LINGO2: variants seen among roughly 807,000 people sequenced by gnomAD.
The protein encoded by LINGO2 is leucine rich repeat and Ig domain containing 2, also known as leucine-rich repeat and immunoglobulin-like domain-containing nogo receptor-interacting protein 2.
Under a neutral mutation model 30.6 loss-of-function variants are expected in LINGO2, and 14 were observed. The ratio of observed to expected loss-of-function variants is 0.46; its 90% confidence interval spans 0.30 to 0.72. The LOEUF is 0.72. Ranked by LOEUF, LINGO2 falls within the 30% of genes least tolerant of loss-of-function variation. The probability of loss-of-function intolerance (pLI) is 0.07; values close to 1 mark genes in which losing one functional copy is unlikely to be tolerated. For missense variants in LINGO2, 729 were observed against 751.7 expected (o/e 0.97, Z 0.35); for synonymous variants, 317 against 288.5 (o/e 1.10, Z -1.00).
At chr9:29,132,682 T>G in the LINGO2 span, among the ~76,000 whole-genome samples, 3 of 152,176 alleles carry the variant, frequency 2.0e-5, no homozygotes, top group Admixed American at 2.0e-4. Flanking sequence ...GCTTTGTTTG[T>G]GCATTTTGTC....
chr9:28,196,550 A>T (rs929296036), intron 4 of LINGO2, among the ~76,000 whole-genome samples: 3 of 151,916 alleles, frequency 2.0e-5, no homozygotes, highest in African/African-American at 7.2e-5. Context: ...CAAAAATATG[A>T]ATAATTGAAA....
At chr9:28,219,631 C>T (rs1237929015) in intron 4 of LINGO2, among the ~76,000 whole-genome samples, 2 of 152,144 alleles carry the variant, frequency 1.3e-5, no homozygotes, top group Admixed American at 6.5e-5. Flanking sequence ...TTTCACAAAG[C>T]TATCATGAAA....
At chr9:28,029,337 G>T (rs555792180) in intron 4 of LINGO2, among the ~76,000 whole-genome samples, 2 of 152,100 alleles carry the variant, frequency 1.3e-5, no homozygotes, top group Non-Finnish European at 2.9e-5. Flanking sequence ...CCACTGTTCT[G>T]CTGCGTTTGA....
chr9:28,160,372 G>C (rs1325428970), intron 4 of LINGO2, among the ~76,000 whole-genome samples: 5 of 152,034 alleles, frequency 3.3e-5, no homozygotes, highest in African/African-American at 7.2e-5. Context: ...TAAAAGAAAG[G>C]GGAGAAACTG....
the LINGO2 span, among the ~76,000 whole-genome samples, chr9:28,988,906 T>C: frequency 6.6e-6 from 1 of 152,196 alleles, no homozygotes; most frequent in Admixed American, 6.5e-5. Context: ...GTATTGGGAT[T>C]TTCAAAACTA....
At chr9:28,827,471 A>C in the LINGO2 span, among the ~76,000 whole-genome samples, 15 of 152,318 alleles carry the variant, frequency 9.8e-5, no homozygotes, top group African/African-American at 3.6e-4. Context: ...CAGTTTCCAC[A>C]TCTTTAAAAT....
chr9:28,232,709 C>T (rs1821401738), intron 4 of LINGO2, among the ~76,000 whole-genome samples: 1 of 151,772 alleles, frequency 6.6e-6, no homozygotes, highest in Admixed American at 6.6e-5. Flanking sequence ...GTCCCCAGAA[C>T]ATATTCATCC....
rs78076679 is a variant in LINGO2 at position 28,003,384 on chromosome 9, T to G, written c.-36+8971A>C. 4.8e-3 allele frequency among the ~76,000 whole-genome samples: 688 copies of G among 142,220 alleles called. 1 individual carries two copies. Among genetic ancestry groups the G allele is most frequent in the African/African-American group, 9.7e-3 (343 of 35,346 alleles). 93.3% of individuals were successfully genotyped at this position (142,220 alleles called of 152,430 possible). The stretch of plus-strand genomic sequence containing the variant: ...ATAGATAGATAGATAGATAGATAGA[T>G]ATAGAGAGAGAGAGAGTTAGAGAGT... On this transcript the variant is annotated intron_variant, in intron 5 of 5. Transcript: ENST00000379992.
chr9:28,572,737 T>C (rs1006624377), intron 1 of LINGO2, among the ~76,000 whole-genome samples: 2 of 152,138 alleles, frequency 1.3e-5, no homozygotes, highest in Non-Finnish European at 2.9e-5. Flanking sequence ...TCCAACAGCT[T>C]CCAGACAACT....
chr9:28,502,030 A>C (rs935128570), intron 1 of LINGO2, among the ~76,000 whole-genome samples: 2 of 151,752 alleles, frequency 1.3e-5, no homozygotes, highest in African/African-American at 2.4e-5. Context: ...GAAGAAAGGG[A>C]GGAGGAAGTA....
the LINGO2 span, among the ~76,000 whole-genome samples, chr9:28,889,850 G>C: frequency 1.3e-5 from 2 of 152,024 alleles, no homozygotes; most frequent in Admixed American, 1.3e-4. Flanking sequence ...ATTTTTCCAA[G>C]ACCAGGTGTT....
chr9:28,727,829 A>C, the LINGO2 span, among the ~76,000 whole-genome samples: 1 of 152,280 alleles, frequency 6.6e-6, no homozygotes, highest in South Asian at 2.1e-4. Context: ...GAGAAGGAGA[A>C]ACATAGATAG....
chr9:28,905,208 G>C, the LINGO2 span, among the ~76,000 whole-genome samples: 1 of 150,610 alleles, frequency 6.6e-6, no homozygotes, highest in Admixed American at 6.6e-5. Context: ...CACGCCATTG[G>C]TCTAGGAAAT....
At chr9:28,060,874 G>T (rs1156281140) in intron 4 of LINGO2, among the ~76,000 whole-genome samples, 2 of 152,026 alleles carry the variant, frequency 1.3e-5, no homozygotes, top group Non-Finnish European at 2.9e-5. Context: ...TCTTTTCTTG[G>T]AAATGCCATG....
the LINGO2 span, among the ~76,000 whole-genome samples, chr9:28,949,797 G>T: frequency 1.3e-5 from 2 of 152,224 alleles, no homozygotes; most frequent in South Asian, 4.1e-4. Context: ...ACCTGGCAGA[G>T]ACACAACAAG....
intron 4 of LINGO2, among the ~76,000 whole-genome samples, chr9:28,028,924 A>G (rs1454722957): frequency 2.0e-5 from 3 of 152,110 alleles, no homozygotes; most frequent in African/African-American, 7.2e-5. Flanking sequence ...TATGGAACCA[A>G]TTTAATCTTG....
the LINGO2 span, among the ~76,000 whole-genome samples, chr9:29,082,612 G>A: frequency 3.9e-5 from 6 of 151,962 alleles, no homozygotes; most frequent in South Asian, 2.1e-4. Flanking sequence ...GCTTCTGCAC[G>A]GCAAAAGAAA....
At chr9:29,055,952 A>ATATGTG in the LINGO2 span, among the ~76,000 whole-genome samples, 18 of 150,120 alleles carry the variant, frequency 1.2e-4, no homozygotes, top group African/African-American at 4.4e-4. Flanking sequence ...ATATATACAT[A>ATATGTG]TATATGTACA....
intron 2 of LINGO2, among the ~76,000 whole-genome samples, chr9:28,472,882 C>G (rs1234145147): frequency 1.3e-5 from 2 of 152,042 alleles, no homozygotes; most frequent in African/African-American, 4.8e-5. Flanking sequence ...ATTTTTGTTT[C>G]TTTTCAATTG....
Sources: gnomAD v4.1 joint callset for allele counts (sites outside exome capture counted in the v4.1 genomes callset) on GRCh38, gnomAD v4.1.1 for gene constraint, MANE v1.5 for transcripts, NCBI Gene and HGNC (gene_info 2026-07-23, HGNC 2026-07-21) for gene names.